Variants in PLEKHH2 observed in about 807,000 individuals in gnomAD.
PLEKHH2 encodes pleckstrin homology domain-containing family H member 2.
A neutral mutation model predicts 187.9 loss-of-function variants in PLEKHH2; 129 were observed. The ratio of observed to expected loss-of-function variants is 0.69; its 90% CI spans 0.59 to 0.79. The LOEUF (loss-of-function observed/expected upper bound fraction) is 0.79, where lower values mean the gene tolerates loss of function less well. Ranked by LOEUF, PLEKHH2 falls within the 30% of genes least tolerant of loss-of-function variation. PLEKHH2 has a pLI of 0.00. For synonymous variants in PLEKHH2, 686 were observed against 605.6 expected, an observed-to-expected ratio of 1.13 and a Z score of -1.95; for missense variants, 2,076 against 1,751.2, an observed-to-expected ratio of 1.19 and a Z score of -3.31.
chr2:43,739,448 A>G (rs1320515868), intron 20 of PLEKHH2, among the ~76,000 whole-genome samples: 2 of 152,230 alleles, frequency 1.3e-5, no homozygotes, highest in African/African-American at 4.8e-5. Context: ...CACAGGATAA[A>G]TCAGAAATTT....
intron 7 of PLEKHH2, 23 bp downstream of exon 7, chr2:43,697,379 G>T: frequency 1.3e-6 from 2 of 1,555,106 alleles, no homozygotes; most frequent in South Asian, 2.4e-5. Context: ...TACAGGAATT[G>T]ACTTTGGCAT....
In PLEKHH2 at chr2:43,744,124, GA is replaced by G. The variant is rs368762473; in HGVS notation, c.3555+145del. On this transcript the variant is annotated intron_variant, in intron 23 of 29. Coordinates refer to ENST00000282406, the MANE Select transcript of PLEKHH2 (RefSeq NM_172069.4). Reference sequence around the variant, plus strand: ...TTAACCAATCTAATCTCCACGATAAGAAAAAAAAAATGCAGGACTTTGTTAA... The same window carrying G: ...TTAACCAATCTAATCTCCACGATAAGAAAAAAAAATGCAGGACTTTGTTAA... 2.5e-3 allele frequency: 3,149 copies of G among 1,258,218 alleles called. 23 individuals carry two copies. The highest frequency in any genetic ancestry group is 0.025 in the African/African-American group (1,566 of 63,892). The allele number at this position is 1,258,218 out of a possible 1,614,324, so 77.9% of individuals were successfully genotyped here.
At chr2:43,744,866 A>C (rs1297472253) in intron 23 of PLEKHH2, among the ~76,000 whole-genome samples, 2 of 139,248 alleles carry the variant, frequency 1.4e-5, no homozygotes, top group Non-Finnish European at 3.1e-5. Context: ...AGACTGTCTC[A>C]CAAAAAAAAA....
intron 16 of PLEKHH2, among the ~76,000 whole-genome samples, chr2:43,723,209 T>C (rs1020325737): frequency 5.3e-5 from 8 of 152,238 alleles, no homozygotes; most frequent in African/African-American, 1.7e-4. Context: ...TATTAAAAGC[T>C]TGCTTTTTAG....
chr2:43,692,441 G>A, intron 3 of PLEKHH2, 73 bp from the exon 4 acceptor site: 1 of 1,254,796 alleles, frequency 8.0e-7, no homozygotes, highest in Non-Finnish European at 1.1e-6. Context: ...TAATATTAAG[G>A]TAAAATTCTA....
At chr2:43,643,863 A>G (rs76519993) in intron 1 of PLEKHH2, among the ~76,000 whole-genome samples, 5,099 of 152,162 alleles carry the variant, frequency 0.034, 123 homozygotes, top group East Asian at 0.13. Flanking sequence ...TAACACTTCA[A>G]AATTTCAAAA....
At position 43,745,754 on chromosome 2, in the gene PLEKHH2, T is replaced by C. The variant is rs536983950; in HGVS notation, c.3556-112T>C. 3 of 665,844 alleles carry C rather than the reference T, an allele frequency of 4.5e-6. No homozygotes were observed. In the Admixed American group the frequency reaches 9.0e-5, roughly 20 times the overall value. The allele number at this position is 665,844 out of a possible 1,614,324, so 41.2% of individuals were successfully genotyped here. A position where few individuals can be genotyped will look rare whatever the true frequency, so the allele number is the denominator to read the frequency against. On this transcript the variant is annotated intron_variant, in intron 23 of 29. Transcript: ENST00000282406. ...AGAGGCTGAAAACAAAAAGCTTGAG[T>C]ATATTTGGTTTGATCATATTAATTG...
intron 16 of PLEKHH2, among the ~76,000 whole-genome samples, chr2:43,724,237 G>C (rs1246809504): frequency 1.3e-5 from 2 of 152,140 alleles, no homozygotes; most frequent in African/African-American, 4.8e-5. Flanking sequence ...CTAACATGCT[G>C]GTATTAAAGC....
intron 27 of PLEKHH2, among the ~76,000 whole-genome samples, chr2:43,762,062 A>G (rs1337816333): frequency 6.6e-6 from 1 of 152,218 alleles, no homozygotes; most frequent in Non-Finnish European, 1.5e-5. Flanking sequence ...CAGATTCAGT[A>G]GTTTATCCAA....
At chr2:43,681,411 T>C (rs1572544577) in intron 3 of PLEKHH2, 4 of 1,548,500 alleles carry the variant, frequency 2.6e-6, no homozygotes, top group East Asian at 2.4e-5. Flanking sequence ...TTCTTTCCTT[T>C]GTTTTATTAA....
chr2:43,748,691 C>T (rs2060174), intron 24 of PLEKHH2, among the ~76,000 whole-genome samples: 30,864 of 152,042 alleles, frequency 0.2, 3,389 homozygotes, highest in Admixed American at 0.3. Context: ...TGGCCTCAGC[C>T]TTTGTGGAAG....
At chr2:43,709,742 G>T (rs187852843) in intron 11 of PLEKHH2, among the ~76,000 whole-genome samples, 2 of 152,066 alleles carry the variant, frequency 1.3e-5, no homozygotes, top group African/African-American at 2.4e-5. Flanking sequence ...AGGCTGAGGC[G>T]GGAGAATCGC....
chr2:43,671,175 C>T (rs1443003846), intron 2 of PLEKHH2, among the ~76,000 whole-genome samples: 1 of 151,764 alleles, frequency 6.6e-6, no homozygotes, highest in Non-Finnish European at 1.5e-5. Context: ...TTAGTAGAGA[C>T]CGGGTTTTAC....
At chr2:43,726,159 T>G (rs1208444347) in intron 16 of PLEKHH2, 113 bp from the exon 17 acceptor site, 1 of 732,248 alleles carries the variant, frequency 1.4e-6, no homozygotes, top group Non-Finnish European at 2.1e-6. Flanking sequence ...AAAAATAAAG[T>G]AAAATTTTTA....
At chr2:43,686,719 A>G (rs532064936) in intron 3 of PLEKHH2, among the ~76,000 whole-genome samples, 1 of 152,388 alleles carries the variant, frequency 6.6e-6, no homozygotes, top group African/African-American at 2.4e-5. Context: ...AAATGTGATT[A>G]GAATGATTAA....
chr2:43,678,243 G>A (rs1156749009), intron 2 of PLEKHH2, among the ~76,000 whole-genome samples: 1 of 151,812 alleles, frequency 6.6e-6, no homozygotes, highest in Non-Finnish European at 1.5e-5. Context: ...GCCAGGCAGA[G>A]GGGCTCCTCA....
At chr2:43,765,070 A>G (rs1299153815) in intron 29 of PLEKHH2, among the ~76,000 whole-genome samples, 2 of 152,244 alleles carry the variant, frequency 1.3e-5, no homozygotes, top group Non-Finnish European at 2.9e-5. Flanking sequence ...TAGTGAAAAT[A>G]GAGAGTTCTT....
At chr2:43,651,071 T>C (rs10210109) in intron 2 of PLEKHH2, among the ~76,000 whole-genome samples, 50,347 of 152,050 alleles carry the variant, frequency 0.33, 8,687 homozygotes, top group Non-Finnish European at 0.4. Flanking sequence ...ATTTGTAATA[T>C]AGATTGTGAA....
At chr2:43,648,288 A>C (rs1666282233) in intron 2 of PLEKHH2, among the ~76,000 whole-genome samples, 1 of 151,934 alleles carries the variant, frequency 6.6e-6, no homozygotes, top group Admixed American at 6.6e-5. Context: ...TCCCAGGTTC[A>C]AGCGATTCTT....
Sources: gnomAD v4.1 joint callset for allele counts (sites outside exome capture counted in the v4.1 genomes callset) on GRCh38, gnomAD v4.1.1 for gene constraint, MANE v1.5 for transcripts, NCBI Gene and HGNC (gene_info 2026-07-23, HGNC 2026-07-21) for gene names.